The following PLXDC2 variants were observed in gnomAD, a reference collection of about 807,000 sequenced individuals.
PLXDC2 encodes plexin domain containing 2.
PLXDC2 carries 40 observed loss-of-function variants against 68.9 expected under a neutral mutation model. The ratio of observed to expected loss-of-function variants is 0.58; its 90% CI spans 0.45 to 0.76. PLXDC2 has a LOEUF of 0.76. Among genes scored for constraint, PLXDC2 ranks in the 30% least tolerant of loss-of-function variants. The pLI, the probability that PLXDC2 is intolerant of heterozygous loss-of-function variation, is 0.00. For missense variants in PLXDC2, 644 were observed against 661.9 expected, an observed-to-expected ratio of 0.97 and a Z score of 0.30; for synonymous variants, 243 against 234.2, an observed-to-expected ratio of 1.04 and a Z score of -0.34.
chr10:20,233,827 T>A (rs1456378216), intron 12 of PLXDC2, among the ~76,000 whole-genome samples: 7 of 152,000 alleles, frequency 4.6e-5, no homozygotes, highest in Admixed American at 4.6e-4. Context: ...TTTTATTTAT[T>A]TTTTTTAGAG....
intron 1 of PLXDC2, among the ~76,000 whole-genome samples, chr10:19,965,456 A>G (rs1184589650): frequency 1.3e-5 from 2 of 152,126 alleles, no homozygotes; most frequent in African/African-American, 4.8e-5. Flanking sequence ...TGCCAAAGAA[A>G]TCACCTTTTA....
chr10:20,212,476 G>T (rs1230523083), intron 10 of PLXDC2, among the ~76,000 whole-genome samples: 1 of 152,010 alleles, frequency 6.6e-6, no homozygotes, highest in Non-Finnish European at 1.5e-5. Flanking sequence ...ATCATTTCAA[G>T]ATCATATAAA....
chr10:20,168,115 T>C (rs1330717732), intron 7 of PLXDC2, among the ~76,000 whole-genome samples: 7 of 152,090 alleles, frequency 4.6e-5, no homozygotes, highest in Non-Finnish European at 1.0e-4. Context: ...ACAAGAGAAA[T>C]ACCTTTGCTC....
At chr10:19,925,149 T>G (rs1833519538) in intron 1 of PLXDC2, among the ~76,000 whole-genome samples, 1 of 152,196 alleles carries the variant, frequency 6.6e-6, no homozygotes, top group Non-Finnish European at 1.5e-5. Context: ...AACATCAAAG[T>G]GCCGGAGAAG....
chr10:20,036,715 C>T (rs1477824268), intron 2 of PLXDC2, among the ~76,000 whole-genome samples: 1 of 152,096 alleles, frequency 6.6e-6, no homozygotes, highest in Non-Finnish European at 1.5e-5. Flanking sequence ...ATTTTACCCA[C>T]CACAATTATA....
At chr10:20,044,617 C>A (rs928155791) in intron 2 of PLXDC2, among the ~76,000 whole-genome samples, 1 of 151,734 alleles carries the variant, frequency 6.6e-6, no homozygotes, top group Admixed American at 6.6e-5. Context: ...GCCTGCAATT[C>A]TTTCTTTAGC....
chr10:19,829,357 T>C (rs538250927), intron 1 of PLXDC2, among the ~76,000 whole-genome samples: 1 of 152,234 alleles, frequency 6.6e-6, no homozygotes, highest in African/African-American at 2.4e-5. Flanking sequence ...GGATGCTTGT[T>C]AGCGTTCCAC....
chr10:20,024,216 T>G (rs1218448674), intron 2 of PLXDC2, among the ~76,000 whole-genome samples: 1 of 152,200 alleles, frequency 6.6e-6, no homozygotes, highest in Non-Finnish European at 1.5e-5. Context: ...CTCTAAGCCA[T>G]CACAAGTTTT....
chr10:20,248,421 T>G (rs1835629099), intron 13 of PLXDC2, among the ~76,000 whole-genome samples: 1 of 152,096 alleles, frequency 6.6e-6, no homozygotes, highest in Non-Finnish European at 1.5e-5. Flanking sequence ...AGAGACTGAG[T>G]GAGGCTCAGA....
chr10:20,132,311 A>G (rs1833877662), intron 4 of PLXDC2, among the ~76,000 whole-genome samples: 1 of 152,194 alleles, frequency 6.6e-6, no homozygotes, highest in African/African-American at 2.4e-5. Context: ...TAAAGAATGT[A>G]TATTCTGCTG....
intron 3 of PLXDC2, among the ~76,000 whole-genome samples, chr10:20,054,717 G>T (rs12265239): frequency 0.082 from 12,419 of 151,996 alleles, 1,025 homozygotes; most frequent in African/African-American, 0.21. Context: ...GTGGGGTGAG[G>T]GGGGAGGGAT....
In PLXDC2 at chr10:20,088,099, G is replaced by C. The variant is rs150355254; in HGVS notation, c.541+19860G>C. Among the ~76,000 whole-genome samples, 712 of 152,228 alleles carry C rather than the reference G, an allele frequency of 4.7e-3. 13 individuals are homozygous for C. The highest frequency in any genetic ancestry group is 0.016 in the African/African-American group (679 of 41,526). ...ATGATCTAAACAGCCATGGGTCAAA[G>C]AGTGAACATTCAAATACTTCAGAGC... On this transcript the variant is annotated intron_variant, in intron 4 of 13. Coordinates refer to ENST00000377252, the MANE Select transcript of PLXDC2 (RefSeq NM_032812.9).
At chr10:20,060,538 C>T (rs973603952) in intron 3 of PLXDC2, among the ~76,000 whole-genome samples, 36 of 149,364 alleles carry the variant, frequency 2.4e-4, no homozygotes, top group Non-Finnish European at 3.7e-4. Context: ...GGTCGCTGGG[C>T]GAGCAGGGGC....
intron 1 of PLXDC2, among the ~76,000 whole-genome samples, chr10:19,863,706 TAAC>T (rs560162657): frequency 7.4e-4 from 113 of 152,354 alleles, no homozygotes; most frequent in African/African-American, 2.5e-3. Context: ...TATTAAAAAT[TAAC>T]AAGCATTTTT....
chr10:20,026,670 G>C (rs544012401), intron 2 of PLXDC2, among the ~76,000 whole-genome samples: 27 of 152,062 alleles, frequency 1.8e-4, no homozygotes, highest in African/African-American at 5.5e-4. Flanking sequence ...CACCAAACAA[G>C]AGCAGATACC....
At chr10:20,115,936 A>C (rs564898912) in intron 4 of PLXDC2, among the ~76,000 whole-genome samples, 1 of 152,248 alleles carries the variant, frequency 6.6e-6, no homozygotes, top group Admixed American at 6.5e-5. Flanking sequence ...ATGTCCATGG[A>C]AAGAATTCCT....
intron 1 of PLXDC2, among the ~76,000 whole-genome samples, chr10:19,840,761 A>G (rs1836888878): frequency 6.6e-6 from 1 of 152,126 alleles, no homozygotes; most frequent in Non-Finnish European, 1.5e-5. Context: ...TAAATATCAT[A>G]TGTGTGATAT....
chr10:19,816,687 C>T lies in PLXDC2; in HGVS notation c.-393C>T. On this transcript the variant is annotated 5_prime_UTR_variant, in exon 1 of 14. Coordinates refer to ENST00000377252, the MANE Select transcript of PLXDC2 (RefSeq NM_032812.9). ...AGCGGCGCTGGCTGTGGAATTAGAT[C>T]TGTTTTGAACCCAGTGGAGCGCATC... 1 of 282,344 alleles carries T rather than the reference C, an allele frequency of 3.5e-6. No homozygotes were observed. Among genetic ancestry groups the T allele is most frequent in the East Asian group, 8.2e-5 (1 of 12,198 alleles). 17.5% of individuals were successfully genotyped at this position (282,344 alleles called of 1,614,324 possible).
In PLXDC2 at chr10:20,014,402, C is replaced by G. The variant is rs182940469; in HGVS notation, c.324+12416C>G. 4.9e-3 allele frequency among the ~76,000 whole-genome samples: 561 copies of G among 114,364 alleles called. 9 individuals are homozygous for G. The highest frequency in any genetic ancestry group is 0.017 in the African/African-American group (512 of 29,302). The allele number at this position is 114,364 out of a possible 152,430, so 75.0% of individuals were successfully genotyped here. A position where few individuals can be genotyped will look rare whatever the true frequency, so the allele number is the denominator to read the frequency against. On this transcript the variant is annotated intron_variant, in intron 2 of 13. Transcript: ENST00000377252. ...TCCTTGCTTCCTTCCTTCCTTCCTT[C>G]CTTCCTTCCTTCCTTCCTTCCTTCC... is the stretch of plus-strand genomic sequence containing the variant.
Sources: gnomAD v4.1 joint callset for allele counts (sites outside exome capture counted in the v4.1 genomes callset) on GRCh38, gnomAD v4.1.1 for gene constraint, MANE v1.5 for transcripts, NCBI Gene and HGNC (gene_info 2026-07-23, HGNC 2026-07-21) for gene names.